Variants in RORA observed in about 807,000 individuals in gnomAD.
RORA encodes RAR related orphan receptor A.
A neutral mutation model predicts 69.5 loss-of-function variants in RORA; 7 were observed. That is an observed-to-expected ratio of 0.10 (90% CI 0.06 to 0.19). The LOEUF is 0.19. Among genes scored for constraint, RORA ranks in the 10% least tolerant of loss-of-function variants. The pLI, the probability that RORA is intolerant of heterozygous loss-of-function variation, is 1.00. For synonymous variants in RORA, 261 were observed against 240.8 expected (o/e 1.08, Z -0.78); for missense variants, 457 against 663.0 (o/e 0.69, Z 3.41).
chr15:60,890,229 A>T lies in RORA; in HGVS notation c.167-211543T>A, dbSNP rs575543374. Among the ~76,000 whole-genome samples, 11 of 152,306 alleles carry T rather than the reference A, an allele frequency of 7.2e-5. No homozygotes were observed. The South Asian group carries it at 2.3e-3, about 32-fold the overall frequency. ...ATTTATTCTAACCCCCTTATTTTACATGTGGGAAAATTGAGAGCTCAATGA... is the reference window on the plus strand; with the variant it reads ...ATTTATTCTAACCCCCTTATTTTACTTGTGGGAAAATTGAGAGCTCAATGA... On this transcript the variant is annotated intron_variant, in intron 1 of 10. Transcript: ENST00000335670.
At chr15:60,983,087 C>T (rs997121462) in intron 1 of RORA, among the ~76,000 whole-genome samples, 6 of 152,016 alleles carry the variant, frequency 3.9e-5, no homozygotes, top group African/African-American at 1.5e-4. Context: ...CCTACTACAA[C>T]CAACTGAATG....
At chr15:61,099,200 G>C (rs2078842613) in intron 1 of RORA, among the ~76,000 whole-genome samples, 1 of 152,160 alleles carries the variant, frequency 6.6e-6, no homozygotes, top group Non-Finnish European at 1.5e-5. Flanking sequence ...CCCAGTGACT[G>C]TTCATAACTG....
chr15:60,547,340 T>A (rs371965512), intron 2 of RORA, among the ~76,000 whole-genome samples: 133 of 148,574 alleles, frequency 9.0e-4, no homozygotes, highest in Middle Eastern at 3.4e-3. Context: ...TTTTTTTTTT[T>A]AAAGATAGGG....
At chr15:60,681,993 A>G (rs1263282015) in intron 1 of RORA, 3 of 152,234 alleles carry the variant, frequency 2.0e-5, no homozygotes, top group Non-Finnish European at 4.4e-5. Context: ...GGCAGCTCTT[A>G]AGGTAACTAG....
intron 1 of RORA, among the ~76,000 whole-genome samples, chr15:60,838,510 C>T (rs2073149194): frequency 6.6e-6 from 1 of 152,190 alleles, no homozygotes; most frequent in South Asian, 2.1e-4. Flanking sequence ...TGTCTCTGTG[C>T]AAGATGAGAC....
intron 1 of RORA, among the ~76,000 whole-genome samples, chr15:60,882,852 G>A (rs1314636933): frequency 6.6e-6 from 1 of 152,142 alleles, no homozygotes; most frequent in Non-Finnish European, 1.5e-5. Context: ...GAAAGAATAA[G>A]AAACTATTTT....
intron 1 of RORA, among the ~76,000 whole-genome samples, chr15:61,184,655 C>T (rs1461561502): frequency 6.6e-6 from 1 of 152,044 alleles, no homozygotes; most frequent in Non-Finnish European, 1.5e-5. Context: ...ATACAGTCAG[C>T]CATACAGTAA....
intron 2 of RORA, among the ~76,000 whole-genome samples, chr15:60,597,569 T>TACACAC (rs2068705774): frequency 3.0e-5 from 1 of 33,758 alleles, no homozygotes; most frequent in African/African-American, 1.4e-4. Context: ...TATATATATA[T>TACACAC]ATATACACAT....
intron 1 of RORA, among the ~76,000 whole-genome samples, chr15:60,802,359 G>C (rs1026288828): frequency 8.5e-5 from 13 of 152,168 alleles, no homozygotes; most frequent in African/African-American, 3.1e-4. Flanking sequence ...TTAGTATTTT[G>C]TCATTATTTC....
intron 1 of RORA, among the ~76,000 whole-genome samples, chr15:60,758,899 G>A (rs1487441866): frequency 6.6e-6 from 1 of 152,182 alleles, no homozygotes; most frequent in Non-Finnish European, 1.5e-5. Context: ...ATTGATAAGA[G>A]AGGCCAGACA....
At chr15:60,721,407 C>G (rs2071291766) in intron 1 of RORA, among the ~76,000 whole-genome samples, 1 of 152,200 alleles carries the variant, frequency 6.6e-6, no homozygotes, top group Non-Finnish European at 1.5e-5. Flanking sequence ...TAGCCAAGCA[C>G]CTCCCTGAGG....
Position 61,213,859 on chromosome 15 carries a change from G to A in RORA, c.166+15194C>T, listed in dbSNP as rs949385249. The A allele has an allele frequency of 2.0e-5, 3 of 152,154 alleles. No homozygotes were observed. Among genetic ancestry groups the A allele is most frequent in the African/African-American group, 7.2e-5 (3 of 41,438 alleles). 9.4% of individuals were successfully genotyped at this position (152,154 alleles called of 1,614,324 possible). A position where few individuals can be genotyped will look rare whatever the true frequency, so the allele number is the denominator to read the frequency against. On this transcript the variant is annotated intron_variant, in intron 1 of 10. Coordinates refer to ENST00000335670, the MANE Select transcript of RORA (RefSeq NM_134261.3). The surrounding 1 kb of genome is among the most constrained non-coding windows in gnomAD (Gnocchi z 4.1). ...AGAATATTTGATGGATCAATGCAAG[G>A]AGGCGATATATTCTATTATACTGCC...
chr15:61,219,634 A>T (rs2080076369), intron 1 of RORA, among the ~76,000 whole-genome samples: 1 of 152,128 alleles, frequency 6.6e-6, no homozygotes, highest in Non-Finnish European at 1.5e-5. Flanking sequence ...GGCACAGCAC[A>T]CAAGTGACAG....
At position 60,583,214 on chromosome 15, in the gene RORA, C is replaced by T. The variant is rs139664267; in HGVS notation, c.197-51363G>A. Among the ~76,000 whole-genome samples, 1,452 of 152,322 alleles carry T rather than the reference C, an allele frequency of 9.5e-3. 10 individuals carry two copies. The highest frequency in any genetic ancestry group is 0.034 in the South Asian group (162 of 4,824). The stretch of plus-strand genomic sequence containing the variant: ...CCACCAGACTAGAATCTAAGCTGCA[C>T]GAAGGCAGCATTTGGTCTCCCCTGT... On this transcript the variant is annotated intron_variant, in intron 2 of 10. Coordinates refer to ENST00000335670, the MANE Select transcript of RORA (RefSeq NM_134261.3).
intron 1 of RORA, among the ~76,000 whole-genome samples, chr15:60,692,189 G>T (rs2070837444): frequency 6.6e-6 from 1 of 152,152 alleles, no homozygotes; most frequent in Non-Finnish European, 1.5e-5. Flanking sequence ...TGGAATAGTA[G>T]TTTGGCAAAA....
At chr15:60,965,753 T>G (rs1893539181) in intron 1 of RORA, among the ~76,000 whole-genome samples, 1 of 152,176 alleles carries the variant, frequency 6.6e-6, no homozygotes, top group East Asian at 1.9e-4. Context: ...CTGGTTTCTT[T>G]AATTTTCTTT....
chr15:61,049,850 G>A (rs1039542077), intron 1 of RORA, among the ~76,000 whole-genome samples: 1 of 152,060 alleles, frequency 6.6e-6, no homozygotes, highest in African/African-American at 2.4e-5. Flanking sequence ...TAGTAGAAAC[G>A]AGGTTTCACT....
chr15:60,648,139 GT>G (rs1212847781), intron 2 of RORA, among the ~76,000 whole-genome samples: 9 of 152,252 alleles, frequency 5.9e-5, no homozygotes, highest in African/African-American at 2.2e-4. Flanking sequence ...GTCTCATTCT[GT>G]TTGCAAGTGA....
chr15:60,829,343 C>G (rs1343278649), intron 1 of RORA, among the ~76,000 whole-genome samples: 1 of 152,212 alleles, frequency 6.6e-6, no homozygotes, highest in Admixed American at 6.5e-5. Context: ...TCCTCAGTCC[C>G]TGTATCAGTG....
Sources: allele counts gnomAD v4.1 joint callset (sites outside exome capture counted in the v4.1 genomes callset), GRCh38; gene constraint gnomAD v4.1.1; non-coding constraint Gnocchi (gnomAD v3.1); transcripts MANE v1.5; gene names NCBI Gene and HGNC (gene_info 2026-07-23, HGNC 2026-07-21).